CASZ1: variants seen among roughly 807,000 people sequenced by gnomAD.
CASZ1 encodes castor zinc finger 1, also known as zinc finger protein castor homolog 1.
Under a neutral mutation model 135.2 loss-of-function variants are expected in CASZ1, and 28 were observed. That is an observed-to-expected ratio of 0.21 (90% CI 0.15 to 0.28). The LOEUF (loss-of-function observed/expected upper bound fraction) is 0.28. Among genes scored for constraint, CASZ1 ranks in the 10% least tolerant of loss-of-function variants. The probability of loss-of-function intolerance (pLI) is 1.00; values close to 1 mark genes in which losing one functional copy is unlikely to be tolerated. For missense variants in CASZ1, 2,161 were observed against 2,453.3 expected (o/e 0.88, Z 2.52); for synonymous variants, 1,068 against 1,073.4 (o/e 0.99, Z 0.10).
At chr1:10,784,116 G>A (rs1009843276) in intron 1 of CASZ1, among the ~76,000 whole-genome samples, 13 of 152,122 alleles carry the variant, frequency 8.5e-5, no homozygotes, top group African/African-American at 2.2e-4. Flanking sequence ...CTTAAGCCCC[G>A]TTCTGCCTCA....
In CASZ1 at chr1:10,643,146, G is replaced by GC. The variant is rs146039805; in HGVS notation, c.4020+13_4020+14insG. 0.14 allele frequency: 219,961 copies of GC among 1,609,352 alleles called. 15,792 individuals are homozygous for GC. The highest frequency in any genetic ancestry group is 0.2 in the South Asian group (17,744 of 90,788). ...GCCACCCTGGCTGGGCTCTCACCTG[G>GC]GGGGGGCTCTCACCTGGGAGGGGGG... On this transcript the variant is annotated intron_variant, in intron 19 of 20. Transcript: ENST00000377022.
intron 3 of CASZ1, among the ~76,000 whole-genome samples, chr1:10,696,620 C>T (rs1032677702): frequency 6.6e-6 from 1 of 152,234 alleles, no homozygotes; most frequent in Non-Finnish European, 1.5e-5. Flanking sequence ...GGTGATCAAT[C>T]CCCACCCCAA....
At chr1:10,671,482 G>C (rs930557510) in intron 4 of CASZ1, among the ~76,000 whole-genome samples, 1 of 152,178 alleles carries the variant, frequency 6.6e-6, no homozygotes, top group Non-Finnish European at 1.5e-5. Flanking sequence ...AAGGGGCTTC[G>C]GGTGAGCCTA....
At chr1:10,771,164 G>C (rs550353324) in intron 1 of CASZ1, among the ~76,000 whole-genome samples, 24 of 152,232 alleles carry the variant, frequency 1.6e-4, no homozygotes, top group African/African-American at 5.8e-4. Context: ...GCGCCAAGCT[G>C]GGGGTGCGGG....
chr1:10,686,861 C>G (rs2100382693), intron 4 of CASZ1, among the ~76,000 whole-genome samples: 1 of 152,346 alleles, frequency 6.6e-6, no homozygotes, highest in Non-Finnish European at 1.5e-5. Flanking sequence ...CCACATTGCC[C>G]CACACCTAAA....
intron 2 of CASZ1, among the ~76,000 whole-genome samples, chr1:10,715,332 A>AAGC (rs1467697876): frequency 6.6e-6 from 1 of 152,084 alleles, no homozygotes; most frequent in African/African-American, 2.4e-5. Context: ...ACGATGGTAG[A>AAGC]AGCAGTCCTG....
In CASZ1 at chr1:10,774,038, G is replaced by A. The variant is rs948611989; in HGVS notation, c.-233-13181C>T. ...CCTCCTTAACTCTGATCCCAGCACA[G>A]AGGTGGGACCTGAGGGAGTGGGCAG... On this transcript the variant is annotated intron_variant, in intron 1 of 20. Coordinates refer to ENST00000377022, the MANE Select transcript of CASZ1 (RefSeq NM_001079843.3). The surrounding 1 kb of genome is among the most constrained non-coding windows in gnomAD (Gnocchi z 4.4). 3.3e-5 allele frequency among the ~76,000 whole-genome samples: 5 copies of A among 152,204 alleles called. No homozygotes were observed. The highest frequency in any genetic ancestry group is 7.3e-5 in the Non-Finnish European group (5 of 68,040).
chr1:10,727,899 C>A lies in CASZ1; in HGVS notation c.-76-22355G>T, dbSNP rs1051691316. Among the ~76,000 whole-genome samples the A allele has an allele frequency of 1.3e-5, 2 of 152,214 alleles. No individual in the cohort carries two copies. Among genetic ancestry groups the A allele is most frequent in the African/African-American group, 4.8e-5 (2 of 41,454 alleles). Reference sequence around the variant, plus strand: ...GAGCTGGGGGGAGAACTCAGGCTTGCCATGCCCCGGCACCATGCCAACACG... The same window carrying A: ...GAGCTGGGGGGAGAACTCAGGCTTGACATGCCCCGGCACCATGCCAACACG... On this transcript the variant is annotated intron_variant, in intron 2 of 20. Coordinates refer to ENST00000377022, the MANE Select transcript of CASZ1 (RefSeq NM_001079843.3). The surrounding 1 kb of genome is among the most constrained non-coding windows in gnomAD (Gnocchi z 5.3).
rs1016757213 is a variant in CASZ1, at chr1:10,694,028, G to A, written c.-23-116C>T. On this transcript the variant is annotated intron_variant, in intron 3 of 20. Coordinates refer to ENST00000377022, the MANE Select transcript of CASZ1 (RefSeq NM_001079843.3). This position sits in a 1 kb window ranked among gnomAD's most constrained non-coding sequence, Gnocchi z 6.6. ...CCGCCCCGCAGGAGCGGCCCGTCCC[G>A]GGCGGGCGCCGAGGCCGCGGCGGAG... 7.2e-6 allele frequency: 7 copies of A among 967,274 alleles called. 1 individual carries two copies. Among genetic ancestry groups the A allele is most frequent in the Non-Finnish European group, 1.0e-5 (7 of 673,586 alleles). 59.9% of individuals were successfully genotyped at this position (967,274 alleles called of 1,614,324 possible).
rs1026660671 is a variant in CASZ1 at position 10,739,157 on chromosome 1, TGGAGGGTGGCTGCTCTTTTCA to T, written c.-77+21523_-77+21543del. Among the ~76,000 whole-genome samples, 2 of 152,082 alleles carry T rather than the reference TGGAGGGTGGCTGCTCTTTTCA, an allele frequency of 1.3e-5. No homozygotes were observed. Among genetic ancestry groups the T allele is most frequent in the Non-Finnish European group, 2.9e-5 (2 of 68,006 alleles). On this transcript the variant is annotated intron_variant, in intron 2 of 20. Transcript: ENST00000377022. The surrounding 1 kb of genome is among the most constrained non-coding windows in gnomAD (Gnocchi z 4.8). ...AGAAACAAGTCACCCAGGCATCTTG[TGGAGGGTGGCTGCTCTTTTCA>T]GGCCGGCGGCCAGTCCCCGGGCGTA...
intron 1 of CASZ1, among the ~76,000 whole-genome samples, chr1:10,778,832 G>A (rs1044977065): frequency 6.6e-5 from 10 of 152,256 alleles, no homozygotes; most frequent in African/African-American, 1.7e-4. Flanking sequence ...GCAGTTGGGC[G>A]TGACTGCCCA....
rs1279687636 is a variant in CASZ1, at chr1:10,709,918, C to T, written c.-76-4374G>A. 6.6e-6 allele frequency among the ~76,000 whole-genome samples: 1 copy of T among 152,180 alleles called. No individual in the cohort carries two copies. The highest frequency in any genetic ancestry group is 2.4e-5 in the African/African-American group (1 of 41,444). ...AGGCCTCGGGAAAGGAGCCTGGGCCCCGGACCAGGGAGGGGCGGTGGGGGT... is the reference window on the plus strand; with the variant it reads ...AGGCCTCGGGAAAGGAGCCTGGGCCTCGGACCAGGGAGGGGCGGTGGGGGT... On this transcript the variant is annotated intron_variant, in intron 2 of 20. Coordinates refer to ENST00000377022, the MANE Select transcript of CASZ1 (RefSeq NM_001079843.3). The surrounding 1 kb of genome is among the most constrained non-coding windows in gnomAD (Gnocchi z 5.1).
At chr1:10,779,130 C>G (rs1284619135) in intron 1 of CASZ1, among the ~76,000 whole-genome samples, 3 of 152,118 alleles carry the variant, frequency 2.0e-5, no homozygotes, top group African/African-American at 7.2e-5. Flanking sequence ...TTTCTTGGGC[C>G]TTGTCCGAGT....
At chr1:10,744,392 G>GACAGGGGAACACAGTCCCAGAT in intron 2 of CASZ1, among the ~76,000 whole-genome samples, 1 of 140,680 alleles carries the variant, frequency 7.1e-6, no homozygotes, top group African/African-American at 2.7e-5. Context: ...GGCATGTCCT[G>GACAGGGGAACACAGTCCCAGAT]GGCACCACGA....
At chr1:10,740,936 C>T (rs191929774) in intron 2 of CASZ1, among the ~76,000 whole-genome samples, 99 of 120,450 alleles carry the variant, frequency 8.2e-4, no homozygotes, top group South Asian at 2.2e-3. Flanking sequence ...CCAGCCTGGG[C>T]GACAGGGTGA....
intron 1 of CASZ1, among the ~76,000 whole-genome samples, chr1:10,769,872 T>C (rs1349750800): frequency 6.6e-6 from 1 of 152,116 alleles, no homozygotes; most frequent in African/African-American, 2.4e-5. Flanking sequence ...ATTTTATATA[T>C]GGATCATTAC....
At chr1:10,781,199 C>T (rs930348868) in intron 1 of CASZ1, among the ~76,000 whole-genome samples, 2 of 152,238 alleles carry the variant, frequency 1.3e-5, no homozygotes, top group Non-Finnish European at 2.9e-5. Context: ...GCTCCTCCTT[C>T]GACCTTCTCC....
intron 4 of CASZ1, among the ~76,000 whole-genome samples, chr1:10,682,190 C>A (rs1028576182): frequency 5.9e-5 from 9 of 152,076 alleles, no homozygotes; most frequent in African/African-American, 2.2e-4. Flanking sequence ...ACCTGCTGTC[C>A]CAGACAACTG....
At position 10,665,128 on chromosome 1, in the gene CASZ1, C is replaced by A; in HGVS notation, c.460G>T (p.Ala154Ser). Residue 154 changes from alanine (A) to serine (S), a missense_variant, in exon 5 of 21, where the codon GCA becomes TCA. Physicochemically the swap from Ala to Ser is moderately conservative, Grantham distance 99 (BLOSUM62 1). Coordinates refer to ENST00000377022, the MANE Select transcript of CASZ1 (RefSeq NM_001079843.3). ...GALEEKDSDG[A>S]ASKEDSGPST... ...GGGCCGCTGTCCTCCTTGGAGGCTG[C>A]CCCGTCCGAATCCTTCTCCTCCAGG... The A allele has an allele frequency of 2.0e-6, 3 of 1,521,140 alleles. No individual in the cohort carries two copies. Among genetic ancestry groups the A allele is most frequent in the Non-Finnish European group, 2.6e-6 (3 of 1,133,898 alleles). 94.2% of individuals were successfully genotyped at this position (1,521,140 alleles called of 1,614,324 possible).
Sources: allele counts gnomAD v4.1 joint callset (sites outside exome capture counted in the v4.1 genomes callset), GRCh38; gene constraint gnomAD v4.1.1; non-coding constraint Gnocchi (gnomAD v3.1); transcripts MANE v1.5; gene names NCBI Gene and HGNC (gene_info 2026-07-23, HGNC 2026-07-21).